MTFR1: variants seen among roughly 807,000 people sequenced by gnomAD.
The protein encoded by MTFR1 is mitochondrial fission regulator 1.
In MTFR1, 28 loss-of-function variants were observed where a neutral mutation model predicts 38.8. The ratio of observed to expected loss-of-function variants is 0.72; its 90% CI spans 0.53 to 0.99. MTFR1 has a LOEUF of 0.99. Ranked by LOEUF, MTFR1 falls within the 50% of genes least tolerant of loss-of-function variation. MTFR1 has a pLI of 0.00. For missense variants in MTFR1, 358 were observed against 395.5 expected, an observed-to-expected ratio of 0.91 and a Z score of 0.81; for synonymous variants, 145 against 137.0, an observed-to-expected ratio of 1.06 and a Z score of -0.41.
the MTFR1 span, among the ~76,000 whole-genome samples, chr8:65,778,144 C>T: frequency 2.0e-5 from 3 of 152,182 alleles, no homozygotes; most frequent in Non-Finnish European, 4.4e-5. Flanking sequence ...CTCCATGACC[C>T]TGAGCAAGCT....
chr8:65,765,366 G>A (rs1160516853), intron 3 of MTFR1, among the ~76,000 whole-genome samples: 2 of 149,612 alleles, frequency 1.3e-5, no homozygotes, highest in Non-Finnish European at 3.0e-5. Context: ...GCGGGCGCCT[G>A]TAGTCCCAGC....
chr8:65,740,908 T>C (rs188945416), intron 3 of MTFR1, among the ~76,000 whole-genome samples: 22 of 152,302 alleles, frequency 1.4e-4, no homozygotes, highest in Non-Finnish European at 2.5e-4. Context: ...CCCTCCAGTT[T>C]CACCTGCTCC....
intron 3 of MTFR1, among the ~76,000 whole-genome samples, chr8:65,766,380 C>T (rs745797146): frequency 3.9e-5 from 6 of 152,200 alleles, no homozygotes; most frequent in Admixed American, 1.3e-4. Context: ...GGAATATTTG[C>T]GACTCTTACT....
chr8:65,675,070 C>CCTT (rs1350333037), intron 2 of MTFR1, among the ~76,000 whole-genome samples: 1 of 152,154 alleles, frequency 6.6e-6, no homozygotes, highest in Non-Finnish European at 1.5e-5. Flanking sequence ...GCAGGCAGAT[C>CCTT]ACCTAAGGTT....
chr8:65,729,223 AG>A (rs1806733462), intron 3 of MTFR1, among the ~76,000 whole-genome samples: 1 of 152,180 alleles, frequency 6.6e-6, no homozygotes, highest in Admixed American at 6.5e-5. Flanking sequence ...AGCCATCATT[AG>A]GGTTCTTTTT....
At chr8:65,670,413 AAGT>A (rs1261462732) in intron 2 of MTFR1, among the ~76,000 whole-genome samples, 1 of 152,190 alleles carries the variant, frequency 6.6e-6, no homozygotes, top group East Asian at 1.9e-4. Context: ...TTTAAAAGGT[AAGT>A]TATGTCTCTT....
intron 1 of MTFR1, among the ~76,000 whole-genome samples, chr8:65,667,642 G>A (rs986891859): frequency 6.6e-6 from 1 of 151,970 alleles, no homozygotes; most frequent in Non-Finnish European, 1.5e-5. Flanking sequence ...TGGCCAGGCT[G>A]GTCTTGAACT....
chr8:65,735,918 C>A (rs569202612), intron 3 of MTFR1, among the ~76,000 whole-genome samples: 5 of 152,278 alleles, frequency 3.3e-5, no homozygotes, highest in Admixed American at 2.0e-4. Flanking sequence ...AGCCACCATG[C>A]CCGGCCGTAT....
intron 3 of MTFR1, chr8:65,745,337 A>T: frequency 1.1e-6 from 1 of 886,938 alleles, no homozygotes; most frequent in Non-Finnish European, 1.9e-6. Flanking sequence ...AAAGCAACGC[A>T]CCAGCGGCTG....
chr8:65,772,484 T>A (rs1240526022), downstream of MTFR1, among the ~76,000 whole-genome samples: 1 of 152,120 alleles, frequency 6.6e-6, no homozygotes, highest in Admixed American at 6.5e-5. Flanking sequence ...GTGGCATAAA[T>A]CACAAATTCC....
At chr8:65,770,089 T>C (rs1330886302) in intron 3 of MTFR1, among the ~76,000 whole-genome samples, 1 of 151,926 alleles carries the variant, frequency 6.6e-6, no homozygotes, top group Non-Finnish European at 1.5e-5. Flanking sequence ...ATATGCATTG[T>C]TAACATTTGT....
intron 3 of MTFR1, among the ~76,000 whole-genome samples, chr8:65,747,106 C>T (rs1220419885): frequency 6.6e-6 from 1 of 152,092 alleles, no homozygotes; most frequent in African/African-American, 2.4e-5. Flanking sequence ...TACATCTAAA[C>T]CCTCAAAAAT....
downstream of MTFR1, among the ~76,000 whole-genome samples, chr8:65,771,929 T>C (rs1286486311): frequency 1.8e-5 from 2 of 109,936 alleles, no homozygotes; most frequent in African/African-American, 3.4e-5. Flanking sequence ...AAGAAGGAAA[T>C]ATCCTGAAAG....
chr8:65,770,144 T>C (rs946874832), intron 3 of MTFR1, among the ~76,000 whole-genome samples: 1 of 148,952 alleles, frequency 6.7e-6, no homozygotes, highest in South Asian at 2.1e-4. Context: ...TGTGTGTGTG[T>C]GTGTGTGTGT....
intron 1 of MTFR1, among the ~76,000 whole-genome samples, chr8:65,656,707 G>A (rs1809280153): frequency 1.3e-5 from 2 of 151,606 alleles, no homozygotes; most frequent in South Asian, 4.2e-4. Context: ...CACCATGTTG[G>A]CCAGGCTGGT....
intron 3 of MTFR1, among the ~76,000 whole-genome samples, chr8:65,762,989 C>A (rs1378864639): frequency 1.7e-5 from 2 of 121,118 alleles, no homozygotes; most frequent in African/African-American, 6.7e-5. Context: ...TATATAAAAA[C>A]AATGTGTGTG....
rs148728225 is a variant in MTFR1 at position 65,700,175 on chromosome 8, A to G, written c.282-4519A>G. 5.1e-3 allele frequency among the ~76,000 whole-genome samples: 780 copies of G among 151,714 alleles called. 8 individuals are homozygous for G. Among genetic ancestry groups the G allele is most frequent in the African/African-American group, 0.018 (751 of 41,316 alleles). On this transcript the variant is annotated intron_variant, in intron 4 of 7. Transcript: ENST00000262146. ...AGACGAGCCTGGGCAACATGGCAAA[A>G]CCCCATCTCTACAAAAAATACCAAA...
intron 1 of MTFR1, among the ~76,000 whole-genome samples, chr8:65,656,334 T>C (rs1469944835): frequency 6.6e-6 from 1 of 152,010 alleles, no homozygotes; most frequent in Non-Finnish European, 1.5e-5. Flanking sequence ...CTTTAATTTT[T>C]ATTTTTTATT....
At chr8:65,734,271 C>T (rs917846772) in intron 3 of MTFR1, among the ~76,000 whole-genome samples, 3 of 152,302 alleles carry the variant, frequency 2.0e-5, no homozygotes, top group African/African-American at 7.2e-5. Flanking sequence ...GCATTCACCA[C>T]CACATCCTGT....
Sources: allele counts gnomAD v4.1 joint callset (sites outside exome capture counted in the v4.1 genomes callset), GRCh38; gene constraint gnomAD v4.1.1; transcripts MANE v1.5; gene names NCBI Gene and HGNC (gene_info 2026-07-23, HGNC 2026-07-21).